The following CLEC19A variants were observed in gnomAD, a reference collection of about 807,000 sequenced individuals.
The protein encoded by CLEC19A is C-type lectin domain family 19 member A.
A neutral mutation model predicts 26.1 loss-of-function variants in CLEC19A; 21 were observed. The ratio of observed to expected loss-of-function variants is 0.80; its 90% CI spans 0.57 to 1.16. CLEC19A has a LOEUF of 1.16. Among genes scored for constraint, CLEC19A ranks in the 50% most tolerant of loss-of-function variants. The probability of loss-of-function intolerance (pLI) is 0.00; values close to 1 mark genes in which losing one functional copy is unlikely to be tolerated. For missense variants in CLEC19A, 224 were observed against 227.6 expected (o/e 0.98, Z 0.10); for synonymous variants, 89 against 88.6 (o/e 1.00, Z -0.03).
At chr16:19,295,802 G>A (rs536157790) in intron 1 of CLEC19A, among the ~76,000 whole-genome samples, 12 of 152,244 alleles carry the variant, frequency 7.9e-5, no homozygotes, top group Admixed American at 2.0e-4. Flanking sequence ...TGAAAAAGTC[G>A]TCCCAAGCAG....
rs1406099140 is a variant in CLEC19A at position 19,309,607 on chromosome 16, A to G, written c.*524A>G. 6.6e-6 allele frequency: 1 copy of G among 151,468 alleles called. No individual in the cohort carries two copies. Among genetic ancestry groups the G allele is most frequent in the Non-Finnish European group, 1.5e-5 (1 of 68,154 alleles). The allele number at this position is 151,468 out of a possible 1,614,324, so 9.4% of individuals were successfully genotyped here. A position where few individuals can be genotyped will look rare whatever the true frequency, so the allele number is the denominator to read the frequency against. ...ACTATAGTTAATAATAATGTATTGT[A>G]TTCCTGAAATTTGCTACGAGAGTAA... On this transcript the variant is annotated 3_prime_UTR_variant, in exon 5 of 5. Coordinates refer to ENST00000636231, the MANE Select transcript of CLEC19A (RefSeq NM_001256720.2).
intron 1 of CLEC19A, among the ~76,000 whole-genome samples, chr16:19,290,492 C>G (rs867181462): frequency 5.9e-5 from 9 of 152,340 alleles, no homozygotes; most frequent in African/African-American, 1.9e-4. Context: ...CCGGAACACT[C>G]TTTCTCTAAC....
chr16:19,301,740 T>TTTTTG (rs1897831627), intron 2 of CLEC19A, among the ~76,000 whole-genome samples: 2 of 94,830 alleles, frequency 2.1e-5, no homozygotes, highest in African/African-American at 6.4e-5. Flanking sequence ...TTTTTGGTTT[T>TTTTTG]TTTTTTTTTT....
intron 1 of CLEC19A, 166 bp from the exon 2 acceptor site, chr16:19,298,507 A>C (rs1181314172): frequency 1.5e-6 from 1 of 674,662 alleles, no homozygotes; most frequent in Admixed American, 2.9e-5. Context: ...TGGAGGCTGC[A>C]ATGAGCTATG....
At chr16:19,301,766 TA>T (rs1567255530) in intron 2 of CLEC19A, among the ~76,000 whole-genome samples, 223 of 115,978 alleles carry the variant, frequency 1.9e-3, no homozygotes, top group South Asian at 5.0e-3. Flanking sequence ...TTTTTTTTTG[TA>T]TTTTTAGCAG....
intron 1 of CLEC19A, among the ~76,000 whole-genome samples, chr16:19,288,524 T>C (rs1185620973): frequency 6.6e-6 from 1 of 152,092 alleles, no homozygotes; most frequent in East Asian, 1.9e-4. Context: ...TATGCAAATA[T>C]ACGCAAATAG....
intron 3 of CLEC19A, chr16:19,304,396 T>TAAAG (rs1897905846): frequency 5.2e-6 from 1 of 193,918 alleles, no homozygotes; most frequent in African/African-American, 2.6e-5. Flanking sequence ...TGGGTTCTCT[T>TAAAG]AAAAAAAAAA....
intron 1 of CLEC19A, among the ~76,000 whole-genome samples, chr16:19,292,122 T>G (rs1170993520): frequency 6.6e-6 from 1 of 152,206 alleles, no homozygotes; most frequent in Admixed American, 6.5e-5. Flanking sequence ...TATTAATTCC[T>G]CTTTGCCAGG....
Position 19,298,866 on chromosome 16 carries a change from T to C in CLEC19A, c.254+28T>C, listed in dbSNP as rs775652764. 53 of 1,536,264 alleles carry C rather than the reference T, an allele frequency of 3.4e-5. No homozygotes were observed. The South Asian group carries it at 5.7e-4, about 16-fold the overall frequency. On this transcript the variant is annotated intron_variant, in intron 2 of 4. Transcript: ENST00000636231. ...AAGTGGGATCCCCAGTGCCCCATAG[T>C]TCAACTAAGCACCCCCTTGGGAAAT...
At chr16:19,289,347 C>G (rs1404262931) in intron 1 of CLEC19A, among the ~76,000 whole-genome samples, 1 of 152,214 alleles carries the variant, frequency 6.6e-6, no homozygotes, top group African/African-American at 2.4e-5. Context: ...AGGACACAGA[C>G]CTCAAGCCAA....
chr16:19,298,249 A>AG (rs1199542435), intron 1 of CLEC19A, among the ~76,000 whole-genome samples: 2 of 150,942 alleles, frequency 1.3e-5, no homozygotes, highest in Admixed American at 6.6e-5. Flanking sequence ...ATCTCAAAAA[A>AG]AAAAAAAAAA....
chr16:19,298,514 TATGATCAAA>T (rs1897751551), intron 1 of CLEC19A, 150 bp from the exon 2 acceptor site: 2 of 714,870 alleles, frequency 2.8e-6, no homozygotes, highest in South Asian at 4.0e-5. Flanking sequence ...TGCAATGAGC[TATGATCAAA>T]CCACTGCACT....
At position 19,288,297 on chromosome 16, in the gene CLEC19A, G is replaced by A. The variant is rs1167617614; in HGVS notation, c.88+2358G>A. Among the ~76,000 whole-genome samples the A allele has an allele frequency of 6.6e-5, 10 of 152,286 alleles. No homozygotes were observed. The East Asian group carries it at 1.2e-3, about 18-fold the overall frequency. ...TTTATGGGTGCATATGGGCAGGAGC[G>A]TGTGTGTTGGTATGTTGTAGGGAGG... On this transcript the variant is annotated intron_variant, in intron 1 of 4. Coordinates refer to ENST00000636231, the MANE Select transcript of CLEC19A (RefSeq NM_001256720.2).
Position 19,309,162 on chromosome 16 carries a change from A to C in CLEC19A, c.*79A>C, listed in dbSNP as rs1176541812. The C allele has an allele frequency of 2.0e-6, 2 of 997,814 alleles. No individual in the cohort carries two copies. The highest frequency in any genetic ancestry group is 3.1e-6 in the Non-Finnish European group (2 of 652,926). The allele number at this position is 997,814 out of a possible 1,614,324, so 61.8% of individuals were successfully genotyped here. A position where few individuals can be genotyped will look rare whatever the true frequency, so the allele number is the denominator to read the frequency against. ...AACCAGTGTAGAATTGACATTGAAT[A>C]CATGTAAAACATACATAGGAAGTAA... On this transcript the variant is annotated 3_prime_UTR_variant, in exon 5 of 5. Coordinates refer to ENST00000636231, the MANE Select transcript of CLEC19A (RefSeq NM_001256720.2).
chr16:19,297,404 T>C (rs913310520), intron 1 of CLEC19A, among the ~76,000 whole-genome samples: 2 of 152,196 alleles, frequency 1.3e-5, no homozygotes, highest in African/African-American at 4.8e-5. Context: ...AGATGGGCAC[T>C]CTCAGACGTT....
intron 1 of CLEC19A, among the ~76,000 whole-genome samples, chr16:19,295,451 C>T (rs568447088): frequency 8.5e-5 from 13 of 152,258 alleles, no homozygotes; most frequent in East Asian, 1.9e-4. Flanking sequence ...AGTCCACCCA[C>T]CTCAGCCTCC....
intron 3 of CLEC19A, among the ~76,000 whole-genome samples, chr16:19,305,713 C>T (rs770440699): frequency 1.3e-5 from 2 of 152,156 alleles, no homozygotes; most frequent in Non-Finnish European, 2.9e-5. Context: ...TGAGCTAATG[C>T]ATGTAAAGAG....
At chr16:19,308,859 A>C in intron 4 of CLEC19A, 145 bp from the exon 5 acceptor site, 1 of 632,426 alleles carries the variant, frequency 1.6e-6, no homozygotes, top group Non-Finnish European at 2.8e-6. Flanking sequence ...GCTGGACAGC[A>C]GGCTTGTCAA....
At chr16:19,304,258 C>A in intron 3 of CLEC19A, 103 bp downstream of exon 3, 1 of 915,310 alleles carries the variant, frequency 1.1e-6, no homozygotes, top group Non-Finnish European at 1.7e-6. Flanking sequence ...GCTATGCACA[C>A]AGCATATAGA....
Sources: gnomAD v4.1 joint callset for allele counts (sites outside exome capture counted in the v4.1 genomes callset) on GRCh38, gnomAD v4.1.1 for gene constraint, MANE v1.5 for transcripts, NCBI Gene and HGNC (gene_info 2026-07-23, HGNC 2026-07-21) for gene names.